NKAIN2: variants seen among roughly 807,000 people sequenced by gnomAD.
NKAIN2 encodes sodium/potassium transporting ATPase interacting 2.
In NKAIN2, 14 loss-of-function variants were observed where a neutral mutation model predicts 32.6. That is an observed-to-expected ratio of 0.43 (90% CI 0.28 to 0.67). The LOEUF (loss-of-function observed/expected upper bound fraction) is 0.67, where lower values mean the gene tolerates loss of function less well. Ranked by LOEUF, NKAIN2 falls within the 30% of genes least tolerant of loss-of-function variation. The probability of loss-of-function intolerance (pLI) is 0.17; values close to 1 mark genes in which losing one functional copy is unlikely to be tolerated. For missense variants in NKAIN2, 198 were observed against 258.3 expected, an observed-to-expected ratio of 0.77 and a Z score of 1.60; for synonymous variants, 80 against 87.2, an observed-to-expected ratio of 0.92 and a Z score of 0.46.
intron 1 of NKAIN2, among the ~76,000 whole-genome samples, chr6:124,194,764 T>C (rs1271964516): frequency 6.6e-6 from 1 of 152,176 alleles, no homozygotes; most frequent in Non-Finnish European, 1.5e-5. Flanking sequence ...TCTAGTTTAC[T>C]ACATATAATG....
At chr6:124,019,012 G>T (rs956783887) in intron 1 of NKAIN2, among the ~76,000 whole-genome samples, 3 of 152,164 alleles carry the variant, frequency 2.0e-5, no homozygotes, top group Non-Finnish European at 4.4e-5. Context: ...ATGGCAGAAG[G>T]TAAAGGAGAA....
intron 1 of NKAIN2, among the ~76,000 whole-genome samples, chr6:124,080,095 A>G (rs1783888142): frequency 6.6e-6 from 1 of 152,154 alleles, no homozygotes; most frequent in Non-Finnish European, 1.5e-5. Context: ...ACTGATAAAA[A>G]AGCTGGGACA....
chr6:124,616,402 T>G (rs1782889113), intron 3 of NKAIN2, among the ~76,000 whole-genome samples: 1 of 146,854 alleles, frequency 6.8e-6, no homozygotes, highest in Non-Finnish European at 1.5e-5. Context: ...TGTTTTGTTC[T>G]TATTATTTTT....
At chr6:124,609,035 TG>T (rs1562282146) in intron 3 of NKAIN2, among the ~76,000 whole-genome samples, 1 of 152,200 alleles carries the variant, frequency 6.6e-6, no homozygotes, top group African/African-American at 2.4e-5. Flanking sequence ...GGAGTATTTG[TG>T]GCTTAAGAGC....
At position 124,823,579 on chromosome 6, in the gene NKAIN2, G is replaced by C. The variant is rs1427257768; in HGVS notation, c.*350G>C. The C allele has an allele frequency of 4.1e-6, 1 of 246,872 alleles. No individual in the cohort carries two copies. The highest frequency in any genetic ancestry group is 7.9e-6 in the Non-Finnish European group (1 of 126,592). The allele number at this position is 246,872 out of a possible 1,614,324, so 15.3% of individuals were successfully genotyped here. On this transcript the variant is annotated 3_prime_UTR_variant, in exon 7 of 7. Coordinates refer to ENST00000368417, the MANE Select transcript of NKAIN2 (RefSeq NM_001040214.3). Reference sequence around the variant, plus strand: ...GCCGGCCATTGCTAACTCCTCTGCAGCCCAGCGGGTTGGCCTCTGTGAGCT... The same window carrying C: ...GCCGGCCATTGCTAACTCCTCTGCACCCCAGCGGGTTGGCCTCTGTGAGCT...
intron 1 of NKAIN2, among the ~76,000 whole-genome samples, chr6:124,251,478 G>A (rs1349890265): frequency 6.6e-6 from 1 of 151,916 alleles, no homozygotes; most frequent in African/African-American, 2.4e-5. Context: ...TACCAAATAT[G>A]TAAAAAACTT....
chr6:124,663,870 C>T (rs1772624185), intron 4 of NKAIN2, among the ~76,000 whole-genome samples: 1 of 152,076 alleles, frequency 6.6e-6, no homozygotes, highest in Non-Finnish European at 1.5e-5. Flanking sequence ...CGTTGAGTGT[C>T]ATCATTATAA....
At chr6:124,546,565 A>G (rs1262130948) in intron 3 of NKAIN2, among the ~76,000 whole-genome samples, 1 of 151,862 alleles carries the variant, frequency 6.6e-6, no homozygotes, top group Non-Finnish European at 1.5e-5. Context: ...AGATAAAAAT[A>G]GATTTATATA....
chr6:124,177,782 T>C (rs1183509770), intron 1 of NKAIN2, among the ~76,000 whole-genome samples: 2 of 16,020 alleles, frequency 1.2e-4, no homozygotes, highest in Non-Finnish European at 2.9e-4. Flanking sequence ...CATTTTTTTT[T>C]TTTTTTTTTT....
chr6:124,392,664 T>C (rs1293375679), intron 3 of NKAIN2, among the ~76,000 whole-genome samples: 1 of 152,158 alleles, frequency 6.6e-6, no homozygotes, highest in African/African-American at 2.4e-5. Context: ...GTTCCAGTTG[T>C]ACATAAAAAG....
chr6:124,336,384 A>T (rs569971583), intron 2 of NKAIN2, among the ~76,000 whole-genome samples: 1 of 152,276 alleles, frequency 6.6e-6, no homozygotes, highest in East Asian at 1.9e-4. Flanking sequence ...GTGCCTCTCT[A>T]GGAAGAGTTT....
At chr6:124,742,001 A>G (rs938652024) in intron 4 of NKAIN2, among the ~76,000 whole-genome samples, 1 of 152,006 alleles carries the variant, frequency 6.6e-6, no homozygotes, top group African/African-American at 2.4e-5. Flanking sequence ...TCAGATTCCA[A>G]CAGGTCAGTG....
intron 2 of NKAIN2, among the ~76,000 whole-genome samples, chr6:124,321,047 C>T (rs1797163436): frequency 6.6e-6 from 1 of 152,064 alleles, no homozygotes; most frequent in Non-Finnish European, 1.5e-5. Flanking sequence ...TACCACAGGA[C>T]CTAACACAAA....
At chr6:124,263,721 A>AGTTTG (rs370484457) in intron 1 of NKAIN2, among the ~76,000 whole-genome samples, 143 of 152,094 alleles carry the variant, frequency 9.4e-4, no homozygotes, top group Admixed American at 1.6e-3. Context: ...TGTTTGTTTA[A>AGTTTG]TTTAAACAGC....
chr6:124,367,231 A>G (rs1415255446), intron 3 of NKAIN2, among the ~76,000 whole-genome samples: 7 of 150,676 alleles, frequency 4.6e-5, no homozygotes, highest in South Asian at 2.1e-4. Flanking sequence ...ATATATTCTA[A>G]TTATATGTTT....
At chr6:123,849,967 TTTG>T (rs1775257345) in intron 1 of NKAIN2, among the ~76,000 whole-genome samples, 3 of 19,130 alleles carry the variant, frequency 1.6e-4, no homozygotes, top group Admixed American at 1.4e-3. Flanking sequence ...TTTTTGTTTG[TTTG>T]TTTTTTTTTT....
chr6:124,535,688 G>T (rs1040830988), intron 3 of NKAIN2, among the ~76,000 whole-genome samples: 4 of 152,160 alleles, frequency 2.6e-5, no homozygotes, highest in African/African-American at 9.7e-5. Context: ...AAAGTACAAT[G>T]ATAGCACCAG....
chr6:124,280,506 C>A (rs74433145), intron 1 of NKAIN2, among the ~76,000 whole-genome samples: 1 of 152,092 alleles, frequency 6.6e-6, no homozygotes, highest in Non-Finnish European at 1.5e-5. Context: ...AAGATAATCA[C>A]TTAGCACACC....
At chr6:124,085,715 C>G (rs1252041797) in intron 1 of NKAIN2, among the ~76,000 whole-genome samples, 1 of 151,914 alleles carries the variant, frequency 6.6e-6, no homozygotes, top group African/African-American at 2.4e-5. Context: ...AGTGAATAAG[C>G]AAGTATTCCT....
Sources: gnomAD v4.1 joint callset for allele counts (sites outside exome capture counted in the v4.1 genomes callset) on GRCh38, gnomAD v4.1.1 for gene constraint, MANE v1.5 for transcripts, NCBI Gene and HGNC (gene_info 2026-07-23, HGNC 2026-07-21) for gene names.